Variants in NME1 observed in about 807,000 individuals in gnomAD.
The protein encoded by NME1 is nucleoside diphosphate kinase A.
In NME1, 9 loss-of-function variants were observed where a neutral mutation model predicts 17.2. That is an observed-to-expected ratio of 0.52 (90% CI 0.32 to 0.92). The LOEUF is 0.92. NME1 is among the 40% of genes least tolerant of loss of function. The probability of loss-of-function intolerance (pLI) is 0.04; values close to 1 mark genes in which losing one functional copy is unlikely to be tolerated. For synonymous variants in NME1, 72 were observed against 70.8 expected (o/e 1.02, Z -0.09); for missense variants, 169 against 201.7 (o/e 0.84, Z 0.98).
chr17:51,161,547 C>A, intron 4 of NME1, 181 bp from the exon 5 acceptor site: 1 of 688,648 alleles, frequency 1.5e-6, no homozygotes, highest in African/African-American at 1.8e-5. Flanking sequence ...GCCGGGAGGG[C>A]TGGATGTGGG....
intron 2 of NME1, among the ~76,000 whole-genome samples, chr17:51,156,892 CAAA>C (rs71355724): frequency 4.6e-5 from 4 of 86,910 alleles, no homozygotes; most frequent in African/African-American, 4.5e-5. Flanking sequence ...ACTCCATCTC[CAAA>C]AAAAAAAAAA....
chr17:51,159,827 C>T (rs897063344), intron 2 of NME1, among the ~76,000 whole-genome samples, 153 bp from the exon 3 acceptor site: 1 of 152,110 alleles, frequency 6.6e-6, no homozygotes, highest in Non-Finnish European at 1.5e-5. Context: ...TGTCACTGCT[C>T]CCTTCCAGTG....
chr17:51,156,217 A>G (rs921818219), intron 2 of NME1: 2 of 260,784 alleles, frequency 7.7e-6, no homozygotes, highest in African/African-American at 4.5e-5. Context: ...TGTTTAGCAT[A>G]TATTAGGTAT....
intron 2 of NME1, 134 bp downstream of exon 2, chr17:51,155,914 A>G: frequency 7.0e-7 from 1 of 1,420,698 alleles, no homozygotes; most frequent in Non-Finnish European, 9.8e-7. Flanking sequence ...GAGACCTGGA[A>G]ACTCCTCAGT....
At chr17:51,157,175 T>C (rs2049799862) in intron 2 of NME1, among the ~76,000 whole-genome samples, 1 of 151,924 alleles carries the variant, frequency 6.6e-6, no homozygotes, top group African/African-American at 2.4e-5. Context: ...GTGACTCGCC[T>C]GTCATCCCAG....
Position 51,161,283 on chromosome 17 carries a change from G to T in NME1, c.341+11G>T. ...CATACAAGTTGGCAGGTGAGATTTT[G>T]GTATTTTTCCCCCTTTTCCAAAATC... On this transcript the variant is annotated intron_variant, in intron 4 of 4. Transcript: ENST00000393196. 6.3e-7 allele frequency: 1 copy of T among 1,594,334 alleles called. No individual in the cohort carries two copies. The highest frequency in any genetic ancestry group is 1.8e-5 in the Admixed American group (1 of 56,438).
At chr17:51,155,882 G>A (rs1188366961) in intron 2 of NME1, 102 bp downstream of exon 2, 8 of 1,568,960 alleles carry the variant, frequency 5.1e-6, no homozygotes, top group Middle Eastern at 1.7e-4. Context: ...GTTCTCCACG[G>A]TAGAGTGAAC....
rs761959899 is a variant in NME1 at position 51,160,085 on chromosome 17, AGT to A, written c.228+8_228+9del. 166 of 1,613,846 alleles carry A rather than the reference AGT, an allele frequency of 1.0e-4. No homozygotes were observed. The highest frequency in any genetic ancestry group is 8.7e-5 in the Non-Finnish European group (103 of 1,179,984). On this transcript the variant is annotated splice_donor_5th_base_variant and intron_variant, in intron 3 of 4. Transcript: ENST00000393196. ...CTCAGGGCCGGTAGTTGCCATGGTGAGTGTGCCTGTGTGGGATACTCCAAGTA... is the reference window on the plus strand; with the variant it reads ...CTCAGGGCCGGTAGTTGCCATGGTGAGTGCCTGTGTGGGATACTCCAAGTA...
chr17:51,159,880 G>A (rs548543434), intron 2 of NME1, 100 bp from the exon 3 acceptor site: 10 of 1,399,090 alleles, frequency 7.1e-6, no homozygotes, highest in African/African-American at 2.8e-5. Flanking sequence ...GAGCCCAACC[G>A]CTCATGTTTT....
intron 2 of NME1, among the ~76,000 whole-genome samples, chr17:51,159,597 AAAAT>A (rs910996317): frequency 1.3e-5 from 2 of 152,096 alleles, no homozygotes; most frequent in African/African-American, 4.8e-5. Flanking sequence ...ACTCTGTCTC[AAAAT>A]AAATAAATAA....
At chr17:51,154,329 C>T (rs2049752432) in intron 1 of NME1, 4 of 1,568,936 alleles carry the variant, frequency 2.5e-6, no homozygotes, top group African/African-American at 2.7e-5. Context: ...TGCTAAGATG[C>T]TGTAAGAAGA....
intron 1 of NME1, 61 bp from the exon 2 acceptor site, chr17:51,155,590 C>T (rs1441050101): frequency 9.3e-6 from 15 of 1,605,332 alleles, no homozygotes; most frequent in East Asian, 9.0e-5. Flanking sequence ...CCGCTTGAGA[C>T]GGATGACGCT....
intron 1 of NME1, among the ~76,000 whole-genome samples, chr17:51,154,706 G>A (rs2049759158): frequency 6.6e-6 from 1 of 152,186 alleles, no homozygotes; most frequent in Admixed American, 6.5e-5. Flanking sequence ...TTTGTAAAAT[G>A]AAGGGGGTTG....
chr17:51,154,423 CT>C lies in NME1; in HGVS notation c.-5+762del, dbSNP rs762250702. On this transcript the variant is annotated intron_variant, in intron 1 of 4. Coordinates refer to ENST00000393196, the MANE Select transcript of NME1 (RefSeq NM_000269.3). Reference sequence around the variant, plus strand: ...ATCGTCTTTCAAGGCGAGGGGCCTCCTATCTCAAGCTGTGATACAGGGTAGG... The same window carrying C: ...ATCGTCTTTCAAGGCGAGGGGCCTCCATCTCAAGCTGTGATACAGGGTAGG... 5.1e-4 allele frequency: 831 copies of C among 1,614,084 alleles called. No homozygotes were observed. The highest frequency in any genetic ancestry group is 6.7e-4 in the Non-Finnish European group (794 of 1,179,976).
In NME1 at chr17:51,161,252, C is replaced by G. The variant is rs1269411542; in HGVS notation, c.321C>G (p.Asp107Glu). 1 of 1,611,526 alleles carries G rather than the reference C, an allele frequency of 6.2e-7. No individual in the cohort carries two copies. Among genetic ancestry groups the G allele is most frequent in the East Asian group, 2.2e-5 (1 of 44,850 alleles). Residue 107 changes from aspartate (D) to glutamate (E), a missense_variant, in exon 4 of 5, where the codon GAC becomes GAG. Transcript: ENST00000393196. Reference sequence around the variant, plus strand: ...CCAAGCCTGGGACCATCCGTGGAGACTTCTGCATACAAGTTGGCAGGTGAG... The same window carrying G: ...CCAAGCCTGGGACCATCCGTGGAGAGTTCTGCATACAAGTTGGCAGGTGAG... Reference protein sequence around the residue: ...ADSKPGTIRGDFCIQVGRNII... With the variant: ...ADSKPGTIRGEFCIQVGRNII...
Position 51,161,947 on chromosome 17 carries a change from T to A in NME1, c.*102T>A. ...CTAGTTATTTACAGGAACTTCATCA[T>A]AATTTGGAGGGAAGCTCTTGGAGCT... On this transcript the variant is annotated 3_prime_UTR_variant, in exon 5 of 5. Coordinates refer to ENST00000393196, the MANE Select transcript of NME1 (RefSeq NM_000269.3). 1.2e-6 allele frequency: 1 copy of A among 817,180 alleles called. No individual in the cohort carries two copies. Among genetic ancestry groups the A allele is most frequent in the East Asian group, 2.4e-5 (1 of 40,912 alleles). The allele number at this position is 817,180 out of a possible 1,614,324, so 50.6% of individuals were successfully genotyped here.
Position 51,154,157 on chromosome 17 carries a change from C to CTTT in NME1, c.-5+496_-5+497insTTT, listed in dbSNP as rs200349379. 7.7e-5 allele frequency: 41 copies of CTTT among 531,592 alleles called. 1 individual carries two copies. Among genetic ancestry groups the CTTT allele is most frequent in the South Asian group, 1.1e-4 (5 of 45,736 alleles). The allele number at this position is 531,592 out of a possible 1,614,324, so 32.9% of individuals were successfully genotyped here. A position where few individuals can be genotyped will look rare whatever the true frequency, so the allele number is the denominator to read the frequency against. On this transcript the variant is annotated intron_variant, in intron 1 of 4. Coordinates refer to ENST00000393196, the MANE Select transcript of NME1 (RefSeq NM_000269.3). ...CGCAGTCTTTGGGCTTTGTCTCTCT[C>CTTT]TCTTTTTTTTTTTTTGGAAGTTGCA...
At chr17:51,156,181 A>G in intron 2 of NME1, 1 of 319,060 alleles carries the variant, frequency 3.1e-6, no homozygotes, top group South Asian at 2.7e-5. Context: ...TCCATCATCA[A>G]TTACTAGACA....
intron 1 of NME1, chr17:51,154,217 A>T: frequency 1.5e-6 from 1 of 656,386 alleles, no homozygotes. Context: ...GCTCCTATTG[A>T]CTGCTAGGCC....
Sources: allele counts gnomAD v4.1 joint callset (sites outside exome capture counted in the v4.1 genomes callset), GRCh38; gene constraint gnomAD v4.1.1; transcripts MANE v1.5; gene names NCBI Gene and HGNC (gene_info 2026-07-23, HGNC 2026-07-21).